The following SH3RF3 variants were observed in gnomAD, a reference collection of about 807,000 sequenced individuals.
SH3RF3 encodes E3 ubiquitin-protein ligase SH3RF3.
In SH3RF3, 29 loss-of-function variants were observed where a neutral mutation model predicts 66.3. That is an observed-to-expected ratio of 0.44 (90% CI 0.33 to 0.60). The LOEUF (loss-of-function observed/expected upper bound fraction) is 0.60, where lower values mean the gene tolerates loss of function less well. Ranked by LOEUF, SH3RF3 falls within the 20% of genes least tolerant of loss-of-function variation. SH3RF3 has a pLI of 0.04. For missense variants in SH3RF3, 1,194 were observed against 1,190.9 expected (o/e 1.00, Z -0.04); for synonymous variants, 583 against 532.0 (o/e 1.10, Z -1.32).
chr2:109,200,855 C>G (rs1678653286), intron 1 of SH3RF3, among the ~76,000 whole-genome samples: 1 of 152,242 alleles, frequency 6.6e-6, no homozygotes. Flanking sequence ...TAAGTGCGGC[C>G]TCTCAGCCTG....
intron 1 of SH3RF3, among the ~76,000 whole-genome samples, chr2:109,145,421 T>G (rs1677071568): frequency 6.6e-6 from 1 of 152,138 alleles, no homozygotes; most frequent in Non-Finnish European, 1.5e-5. Context: ...TGCTGTTGGC[T>G]CTTTGCTTAT....
intron 4 of SH3RF3, among the ~76,000 whole-genome samples, chr2:109,410,135 T>A (rs1231534105): frequency 1.3e-5 from 2 of 152,276 alleles, no homozygotes; most frequent in South Asian, 4.1e-4. Flanking sequence ...GAGGCTCTAG[T>A]GTCTGGTTAC....
intron 1 of SH3RF3, among the ~76,000 whole-genome samples, chr2:109,275,638 T>G (rs1680738258): frequency 6.6e-6 from 1 of 152,198 alleles, no homozygotes; most frequent in African/African-American, 2.4e-5. Flanking sequence ...ACGGTTGCAC[T>G]TCCAAGTTCA....
At chr2:109,497,990 A>G (rs28410095) in intron 9 of SH3RF3, among the ~76,000 whole-genome samples, 38,864 of 152,034 alleles carry the variant, frequency 0.26, 5,313 homozygotes, top group East Asian at 0.5. Context: ...GATGGCGCTG[A>G]TCCTGTGGGC....
At chr2:109,297,245 A>C (rs1332496759) in intron 1 of SH3RF3, among the ~76,000 whole-genome samples, 1 of 152,132 alleles carries the variant, frequency 6.6e-6, no homozygotes, top group African/African-American at 2.4e-5. Flanking sequence ...TGACACCATC[A>C]TCATCATCGT....
At chr2:109,461,857 G>A (rs1678215428) in intron 8 of SH3RF3, among the ~76,000 whole-genome samples, 1 of 152,166 alleles carries the variant, frequency 6.6e-6, no homozygotes, top group African/African-American at 2.4e-5. Flanking sequence ...AATTTTGGGG[G>A]TCACTTAATA....
chr2:109,282,043 AGGGGATGCTGGTGGGATATGAGTG>A (rs1439318392), intron 1 of SH3RF3, among the ~76,000 whole-genome samples: 1 of 151,970 alleles, frequency 6.6e-6, no homozygotes, highest in Non-Finnish European at 1.5e-5. Context: ...TTGGTGTCAG[AGGGGATGCTGGTGGGATATGAGTG>A]GGGGCTGCAT....
chr2:109,238,316 T>A (rs1313151137), intron 1 of SH3RF3, among the ~76,000 whole-genome samples: 3 of 152,248 alleles, frequency 2.0e-5, no homozygotes, highest in Admixed American at 6.5e-5. Context: ...ACTGTATTTT[T>A]AAAAATCTTA....
At chr2:109,195,308 C>T (rs1172838354) in intron 1 of SH3RF3, among the ~76,000 whole-genome samples, 4 of 152,166 alleles carry the variant, frequency 2.6e-5, no homozygotes, top group African/African-American at 9.7e-5. Flanking sequence ...ATGTGGCAGG[C>T]AGTTCCTGGG....
At chr2:109,257,826 C>CT (rs1385900840) in intron 1 of SH3RF3, among the ~76,000 whole-genome samples, 1 of 152,066 alleles carries the variant, frequency 6.6e-6, no homozygotes, top group African/African-American at 2.4e-5. Context: ...TAAGTGGAGG[C>CT]TTTTTTGGAA....
chr2:109,153,857 T>C (rs536341335), intron 1 of SH3RF3, among the ~76,000 whole-genome samples: 58 of 152,350 alleles, frequency 3.8e-4, no homozygotes, highest in Admixed American at 2.0e-3. Context: ...ACTCCTGGTC[T>C]CCCACTGCTC....
chr2:109,276,225 G>A (rs952784093), intron 1 of SH3RF3, among the ~76,000 whole-genome samples: 1 of 152,242 alleles, frequency 6.6e-6, no homozygotes, highest in Non-Finnish European at 1.5e-5. Context: ...GTGTGAGTCT[G>A]AACGTCCCTG....
intron 1 of SH3RF3, among the ~76,000 whole-genome samples, chr2:109,343,695 T>A (rs1574585570): frequency 6.6e-6 from 1 of 151,340 alleles, no homozygotes; most frequent in Non-Finnish European, 1.5e-5. Flanking sequence ...TGGCCAGGCG[T>A]ACAATCTCCA....
At chr2:109,148,479 C>T (rs988961879) in intron 1 of SH3RF3, among the ~76,000 whole-genome samples, 4 of 152,090 alleles carry the variant, frequency 2.6e-5, no homozygotes, top group Non-Finnish European at 4.4e-5. Context: ...AATTTCTGCA[C>T]GTGTGGGCTG....
intron 8 of SH3RF3, among the ~76,000 whole-genome samples, chr2:109,484,969 C>G (rs1466816635): frequency 6.6e-6 from 1 of 152,236 alleles, no homozygotes; most frequent in Admixed American, 6.5e-5. Context: ...GTGTTCAATC[C>G]TTTATTCCCA....
Position 109,486,990 on chromosome 2 carries a change from G to A in SH3RF3, c.2149-3615G>A, listed in dbSNP as rs144231631. ...GCCTGGCCATCCAGAAGGGTCATTG[G>A]AATGGAAAGTGATCCCCCCAACAGA... On this transcript the variant is annotated intron_variant, in intron 8 of 9. Transcript: ENST00000309415. 2.4e-3 allele frequency among the ~76,000 whole-genome samples: 363 copies of A among 152,284 alleles called. 3 individuals are homozygous for A. The highest frequency in any genetic ancestry group is 4.2e-3 in the Non-Finnish European group (285 of 68,014).
At chr2:109,288,020 T>C (rs1681073396) in intron 1 of SH3RF3, among the ~76,000 whole-genome samples, 1 of 133,564 alleles carries the variant, frequency 7.5e-6, no homozygotes, top group Non-Finnish European at 1.7e-5. Context: ...CCATGGCCTT[T>C]TGGCTGACTG....
intron 1 of SH3RF3, among the ~76,000 whole-genome samples, chr2:109,201,832 G>A (rs1021890065): frequency 4.6e-5 from 7 of 152,140 alleles, no homozygotes; most frequent in Non-Finnish European, 8.8e-5. Flanking sequence ...ATTTAAATGG[G>A]GCATAGTGCC....
intron 1 of SH3RF3, among the ~76,000 whole-genome samples, chr2:109,179,505 G>A (rs911474475): frequency 2.6e-5 from 4 of 152,092 alleles, no homozygotes; most frequent in Non-Finnish European, 5.9e-5. Flanking sequence ...CCAAAGAGTG[G>A]GTAACTTATA....
Sources: gnomAD v4.1 joint callset for allele counts (sites outside exome capture counted in the v4.1 genomes callset) on GRCh38, gnomAD v4.1.1 for gene constraint, MANE v1.5 for transcripts, NCBI Gene and HGNC (gene_info 2026-07-23, HGNC 2026-07-21) for gene names.